CCDC148: variants seen among roughly 807,000 people sequenced by gnomAD.
CCDC148 encodes coiled-coil domain-containing protein 148.
A neutral mutation model predicts 85.7 loss-of-function variants in CCDC148; 89 were observed. That is an observed-to-expected ratio of 1.04 (90% CI 0.87 to 1.24). The LOEUF (loss-of-function observed/expected upper bound fraction) is 1.24. Ranked by LOEUF, CCDC148 falls within the 50% of genes most tolerant of loss-of-function variation. CCDC148 has a pLI of 0.00. For synonymous variants in CCDC148, 230 were observed against 213.9 expected, an observed-to-expected ratio of 1.08 and a Z score of -0.66; for missense variants, 692 against 671.7, an observed-to-expected ratio of 1.03 and a Z score of -0.33.
chr2:158,250,577 A>C (rs1484823576), intron 10 of CCDC148, among the ~76,000 whole-genome samples, 195 bp downstream of exon 10: 2 of 151,332 alleles, frequency 1.3e-5, no homozygotes, highest in Non-Finnish European at 3.0e-5. Flanking sequence ...ACAAATCAAC[A>C]AAGTGGGTTC....
chr2:158,275,419 G>A (rs192576851), intron 9 of CCDC148, among the ~76,000 whole-genome samples: 1 of 152,300 alleles, frequency 6.6e-6, no homozygotes, highest in African/African-American at 2.4e-5. Flanking sequence ...TCCATTCATA[G>A]CATCTGGATG....
At chr2:158,318,350 G>A (rs892213335) in intron 7 of CCDC148, among the ~76,000 whole-genome samples, 1 of 151,934 alleles carries the variant, frequency 6.6e-6, no homozygotes, top group Admixed American at 6.6e-5. Flanking sequence ...AGAATAAAGT[G>A]AACTTTCACT....
intron 2 of CCDC148, among the ~76,000 whole-genome samples, chr2:158,350,484 G>C (rs1023809709): frequency 2.0e-5 from 3 of 151,970 alleles, no homozygotes; most frequent in Non-Finnish European, 4.4e-5. Context: ...CAATACCTTG[G>C]GAAAGAAATT....
At chr2:158,257,133 G>A (rs1177059844) in intron 9 of CCDC148, among the ~76,000 whole-genome samples, 2 of 150,526 alleles carry the variant, frequency 1.3e-5, no homozygotes, top group African/African-American at 2.4e-5. Context: ...CTCCCCCACC[G>A]TGAGACTCCT....
At chr2:158,410,744 A>G (rs1227330377) in intron 1 of CCDC148, among the ~76,000 whole-genome samples, 1 of 152,180 alleles carries the variant, frequency 6.6e-6, no homozygotes, top group Non-Finnish European at 1.5e-5. Flanking sequence ...AAATTTACAC[A>G]CTACCATTAT....
At chr2:158,291,712 C>T (rs985433082) in intron 9 of CCDC148, among the ~76,000 whole-genome samples, 3 of 152,182 alleles carry the variant, frequency 2.0e-5, no homozygotes, top group Non-Finnish European at 4.4e-5. Flanking sequence ...TGTCTGCCTC[C>T]TCTACTGGAA....
chr2:158,395,590 T>C, intron 1 of CCDC148, among the ~76,000 whole-genome samples: 1 of 152,132 alleles, frequency 6.6e-6, no homozygotes. Context: ...AATCTCCTTG[T>C]TGAAACTGAA....
At chr2:158,331,493 G>A (rs530665420) in intron 7 of CCDC148, among the ~76,000 whole-genome samples, 23 of 152,296 alleles carry the variant, frequency 1.5e-4, no homozygotes, top group Admixed American at 7.2e-4. Flanking sequence ...GTTGATTTGG[G>A]GTGGAGAGTT....
At chr2:158,341,127 A>G (rs1682667112) in intron 3 of CCDC148, among the ~76,000 whole-genome samples, 1 of 152,200 alleles carries the variant, frequency 6.6e-6, no homozygotes. Flanking sequence ...ACCCTGAATT[A>G]CAGAGGTAGA....
chr2:158,336,797 C>T (rs910053347), intron 7 of CCDC148, among the ~76,000 whole-genome samples: 3 of 152,042 alleles, frequency 2.0e-5, no homozygotes, highest in Non-Finnish European at 2.9e-5. Flanking sequence ...ACAAATATAA[C>T]TACTAAATTA....
At chr2:158,413,272 T>A (rs1190277691) in intron 1 of CCDC148, among the ~76,000 whole-genome samples, 1 of 152,148 alleles carries the variant, frequency 6.6e-6, no homozygotes, top group African/African-American at 2.4e-5. Flanking sequence ...CAGTTTTTTT[T>A]TCACAAAAGG....
intron 1 of CCDC148, among the ~76,000 whole-genome samples, chr2:158,440,281 G>A (rs1687875238): frequency 6.6e-6 from 1 of 152,068 alleles, no homozygotes; most frequent in Non-Finnish European, 1.5e-5. Flanking sequence ...AAACTGTTTG[G>A]CAGTTTCTTA....
intron 10 of CCDC148, among the ~76,000 whole-genome samples, chr2:158,232,285 TA>T (rs1331360482): frequency 3.9e-5 from 6 of 152,114 alleles, no homozygotes; most frequent in Non-Finnish European, 8.8e-5. Flanking sequence ...ACTGTAGAAA[TA>T]AAAACTGTAG....
At chr2:158,394,001 T>C (rs1685425231) in intron 1 of CCDC148, among the ~76,000 whole-genome samples, 4 of 152,128 alleles carry the variant, frequency 2.6e-5, no homozygotes, top group Admixed American at 2.6e-4. Context: ...TCCTAGATCC[T>C]AATATTCTTC....
Position 158,340,285 on chromosome 2 carries a change from G to A in CCDC148, c.443C>T (p.Ser148Leu). Residue 148 changes from serine to leucine, a missense_variant, in exon 5 of 14, where the codon TCA (serine) becomes TTA (leucine). Coordinates refer to ENST00000283233, the MANE Select transcript of CCDC148 (RefSeq NM_138803.4). ...GGAGTTAAACTCAATATGTGGGTGTGAATGCTGCAAAGTGTGATGCTGTCT... is the reference window on the plus strand; with the variant it reads ...GGAGTTAAACTCAATATGTGGGTGTAAATGCTGCAAAGTGTGATGCTGTCT... Reference protein sequence around the residue: ...KYRQHHTLQHSHPHIEFNSMK... With the variant: ...KYRQHHTLQHLHPHIEFNSMK... 6.2e-7 allele frequency: 1 copy of A among 1,613,934 alleles called. No homozygotes were observed. Among genetic ancestry groups the A allele is most frequent in the Non-Finnish European group, 8.5e-7 (1 of 1,179,922 alleles).
At chr2:158,440,231 G>C (rs1324682490) in intron 1 of CCDC148, among the ~76,000 whole-genome samples, 1 of 152,110 alleles carries the variant, frequency 6.6e-6, no homozygotes, top group Non-Finnish European at 1.5e-5. Flanking sequence ...AAACATTATA[G>C]ATTGCTGTCA....
intron 13 of CCDC148, among the ~76,000 whole-genome samples, chr2:158,172,943 G>C (rs1272112436): frequency 6.6e-6 from 1 of 151,968 alleles, no homozygotes; most frequent in African/African-American, 2.4e-5. Flanking sequence ...ACCTAATGAG[G>C]CATTTTACAT....
chr2:158,242,633 G>T (rs1284070067), intron 10 of CCDC148, among the ~76,000 whole-genome samples: 1 of 139,062 alleles, frequency 7.2e-6, no homozygotes. Flanking sequence ...CCACTCTGTA[G>T]TTTTTTTTTT....
At chr2:158,231,041 A>G (rs1687832458) in intron 10 of CCDC148, among the ~76,000 whole-genome samples, 1 of 152,178 alleles carries the variant, frequency 6.6e-6, no homozygotes, top group African/African-American at 2.4e-5. Context: ...CAAGCCCATA[A>G]GACCTCTAAG....
Sources: allele counts gnomAD v4.1 joint callset (sites outside exome capture counted in the v4.1 genomes callset), GRCh38; gene constraint gnomAD v4.1.1; transcripts MANE v1.5; gene names NCBI Gene and HGNC (gene_info 2026-07-23, HGNC 2026-07-21).